ASIC2: variants seen among roughly 807,000 people sequenced by gnomAD.
The protein encoded by ASIC2 is acid sensing ion channel subunit 2.
ASIC2 carries 25 observed loss-of-function variants against 57.3 expected under a neutral mutation model. The observed-to-expected ratio is 0.44, with a 90% CI of 0.32 to 0.61. The LOEUF (loss-of-function observed/expected upper bound fraction) is 0.61. Among genes scored for constraint, ASIC2 ranks in the 20% least tolerant of loss-of-function variants. The pLI is 0.06. For missense variants in ASIC2, 641 were observed against 738.1 expected, an observed-to-expected ratio of 0.87 and a Z score of 1.52; for synonymous variants, 319 against 307.5, an observed-to-expected ratio of 1.04 and a Z score of -0.39.
At chr17:33,229,712 G>C (rs1441973292) in intron 1 of ASIC2, among the ~76,000 whole-genome samples, 1 of 152,190 alleles carries the variant, frequency 6.6e-6, no homozygotes, top group Admixed American at 6.5e-5. Context: ...CCAATAAATA[G>C]ACGTCTCCTT....
intron 1 of ASIC2, among the ~76,000 whole-genome samples, chr17:33,888,536 G>A (rs1211325725): frequency 2.0e-5 from 3 of 152,082 alleles, no homozygotes; most frequent in African/African-American, 4.8e-5. Flanking sequence ...TACTGACCAC[G>A]TGGAGCATCA....
intron 1 of ASIC2, among the ~76,000 whole-genome samples, chr17:33,337,109 A>G (rs1907544607): frequency 6.6e-6 from 1 of 152,024 alleles, no homozygotes; most frequent in African/African-American, 2.4e-5. Flanking sequence ...GGCCTTGGAG[A>G]TAAGTGGCCC....
intron 2 of ASIC2, among the ~76,000 whole-genome samples, chr17:33,098,859 G>A (rs2092196401): frequency 6.6e-6 from 1 of 151,906 alleles, no homozygotes; most frequent in South Asian, 2.1e-4. Flanking sequence ...TCTTAGCCAT[G>A]AGGCTGTGGG....
intron 1 of ASIC2, among the ~76,000 whole-genome samples, chr17:33,950,753 T>A (rs1597945695): frequency 6.6e-6 from 1 of 152,362 alleles, no homozygotes; most frequent in South Asian, 2.1e-4. Context: ...GGTCCAGTGC[T>A]TTCTGGGGAA....
intron 9 of ASIC2, among the ~76,000 whole-genome samples, chr17:33,015,053 C>T (rs2141889482): frequency 6.6e-6 from 1 of 152,358 alleles, no homozygotes; most frequent in Admixed American, 6.5e-5. Flanking sequence ...CTCCCCTTCC[C>T]CACTTCCGTT....
intron 1 of ASIC2, among the ~76,000 whole-genome samples, chr17:33,941,151 C>A (rs1319117276): frequency 6.6e-6 from 1 of 152,140 alleles, no homozygotes; most frequent in Non-Finnish European, 1.5e-5. Context: ...TAGGTGAGCT[C>A]AACTGTGGTG....
intron 1 of ASIC2, among the ~76,000 whole-genome samples, chr17:33,732,544 G>A (rs994673251): frequency 4.8e-5 from 7 of 146,238 alleles, no homozygotes; most frequent in Admixed American, 2.1e-4. Flanking sequence ...TTGCTCTATC[G>A]CTGGATTGCT....
At chr17:33,683,724 C>T (rs541971042) in intron 1 of ASIC2, among the ~76,000 whole-genome samples, 1 of 152,154 alleles carries the variant, frequency 6.6e-6, no homozygotes, top group East Asian at 1.9e-4. Flanking sequence ...TTGTTTTTTA[C>T]AGAGACAGGG....
chr17:33,593,252 A>G (rs1904878993), intron 1 of ASIC2, among the ~76,000 whole-genome samples: 1 of 152,208 alleles, frequency 6.6e-6, no homozygotes, highest in African/African-American at 2.4e-5. Flanking sequence ...TCTGGCTGAT[A>G]AATGAATTTT....
chr17:33,352,195 T>C (rs778071344), intron 1 of ASIC2, among the ~76,000 whole-genome samples: 1 of 152,084 alleles, frequency 6.6e-6, no homozygotes, highest in African/African-American at 2.4e-5. Context: ...AATCTCGACT[T>C]TACCTGGATA....
At chr17:33,960,883 C>T (rs984608280) in intron 1 of ASIC2, among the ~76,000 whole-genome samples, 23 of 152,174 alleles carry the variant, frequency 1.5e-4, no homozygotes, top group Admixed American at 3.3e-4. Context: ...CCGCGAGAGT[C>T]AGATCCGTGC....
rs556276326 is a variant in ASIC2, at chr17:33,483,920, G to T, written c.556-371853C>A. ...CTAGGTTATCCAGGTGGGCCCAGTG[G>T]TATCACAGGGGTCCTTGGAAGAGGG... On this transcript the variant is annotated intron_variant, in intron 1 of 9. Transcript: ENST00000359872. Among the ~76,000 whole-genome samples, 5 of 152,288 alleles carry T rather than the reference G, an allele frequency of 3.3e-5. No individual in the cohort carries two copies. The South Asian group carries it at 8.3e-4, about 25-fold the overall frequency.
intron 3 of ASIC2, among the ~76,000 whole-genome samples, chr17:33,083,505 A>G (rs1453702107): frequency 6.6e-6 from 1 of 152,232 alleles, no homozygotes; most frequent in East Asian, 1.9e-4. Flanking sequence ...ATGAATGTAC[A>G]AAATATTGTA....
At chr17:33,685,114 G>A (rs78874919) in intron 1 of ASIC2, among the ~76,000 whole-genome samples, 17 of 152,152 alleles carry the variant, frequency 1.1e-4, no homozygotes, top group Non-Finnish European at 2.4e-4. Flanking sequence ...TTCCCCCTGG[G>A]GGGGCTTAGT....
chr17:33,895,788 A>T (rs2141950504), intron 1 of ASIC2, among the ~76,000 whole-genome samples: 1 of 152,290 alleles, frequency 6.6e-6, no homozygotes, highest in Admixed American at 6.5e-5. Context: ...AAACATTGAG[A>T]TTCTCTTTAA....
chr17:33,703,741 CT>C (rs1567693734), intron 1 of ASIC2, among the ~76,000 whole-genome samples: 1 of 152,096 alleles, frequency 6.6e-6, no homozygotes, highest in Non-Finnish European at 1.5e-5. Flanking sequence ...GGCCTTTAGC[CT>C]GTCCATGCCC....
chr17:34,087,656 C>T (rs1910161340), intron 1 of ASIC2, among the ~76,000 whole-genome samples: 1 of 152,048 alleles, frequency 6.6e-6, no homozygotes, highest in Admixed American at 6.5e-5. Context: ...GTTCCATTCT[C>T]CCCGTCACTT....
At chr17:33,229,169 C>A (rs145842878) in intron 1 of ASIC2, among the ~76,000 whole-genome samples, 2 of 151,964 alleles carry the variant, frequency 1.3e-5, no homozygotes, top group Non-Finnish European at 2.9e-5. Context: ...AGAGGTGTAC[C>A]AAGCAAGAGG....
rs550885177 is a variant in ASIC2 at position 33,326,005 on chromosome 17, A to G, written c.556-213938T>C. Among the ~76,000 whole-genome samples, 17 of 152,318 alleles carry G rather than the reference A, an allele frequency of 1.1e-4. No homozygotes were observed. The East Asian group carries it at 3.1e-3, about 28-fold the overall frequency. On this transcript the variant is annotated intron_variant, in intron 1 of 9. Coordinates refer to the ASIC2 transcript ENST00000359872. The stretch of plus-strand genomic sequence containing the variant: ...TTCTGTTTTATCCTACTTAATTCTC[A>G]GGAGAGCCCTTCCTCTGTAGATAAG...
Sources: allele counts gnomAD v4.1 joint callset (sites outside exome capture counted in the v4.1 genomes callset), GRCh38; gene constraint gnomAD v4.1.1; transcripts MANE v1.5; gene names NCBI Gene and HGNC (gene_info 2026-07-23, HGNC 2026-07-21).